Variants in LMX1A observed in about 807,000 individuals in gnomAD.
LMX1A encodes LIM homeobox transcription factor 1 alpha.
LMX1A carries 15 observed loss-of-function variants against 49.1 expected under a neutral mutation model. The observed-to-expected ratio is 0.31, with a 90% CI of 0.20 to 0.47. LMX1A has a LOEUF of 0.47. LMX1A is among the 20% of genes least tolerant of loss of function. The pLI, the probability that LMX1A is intolerant of heterozygous loss-of-function variation, is 1.00. For synonymous variants in LMX1A, 167 were observed against 185.7 expected (o/e 0.90, Z 0.82); for missense variants, 372 against 475.8 (o/e 0.78, Z 2.03).
chr1:165,285,896 T>C (rs1434880382), intron 3 of LMX1A, among the ~76,000 whole-genome samples: 1 of 152,202 alleles, frequency 6.6e-6, no homozygotes, highest in Non-Finnish European at 1.5e-5. Flanking sequence ...GTGACACTGC[T>C]CCCTGGTGTT....
intron 4 of LMX1A, among the ~76,000 whole-genome samples, chr1:165,236,930 ATT>A (rs1249472460): frequency 1.3e-5 from 2 of 151,264 alleles, no homozygotes; most frequent in African/African-American, 4.9e-5. Flanking sequence ...AGAATATAAT[ATT>A]GTTTATCCAT....
intron 3 of LMX1A, among the ~76,000 whole-genome samples, chr1:165,283,582 C>T (rs751630271): frequency 6.6e-6 from 1 of 152,156 alleles, no homozygotes; most frequent in Admixed American, 6.5e-5. Context: ...AAGGGTCTTC[C>T]TTGACCACAC....
At chr1:165,298,132 G>A (rs1348467817) in intron 3 of LMX1A, among the ~76,000 whole-genome samples, 1 of 152,218 alleles carries the variant, frequency 6.6e-6, no homozygotes, top group Non-Finnish European at 1.5e-5. Flanking sequence ...CTCCTTGGGT[G>A]CAAGTACCCA....
chr1:165,247,337 G>A (rs781390765), intron 4 of LMX1A, among the ~76,000 whole-genome samples: 5 of 151,960 alleles, frequency 3.3e-5, no homozygotes, highest in Non-Finnish European at 7.4e-5. Context: ...TGGGAAATTC[G>A]AAATTCTACA....
At chr1:165,253,723 T>C (rs771225863) in intron 3 of LMX1A, among the ~76,000 whole-genome samples, 21 of 152,238 alleles carry the variant, frequency 1.4e-4, no homozygotes, top group Admixed American at 6.5e-4. Context: ...CTCCTCTGCC[T>C]CTCAGCTTCA....
At chr1:165,351,013 G>A (rs1013445040) in intron 3 of LMX1A, among the ~76,000 whole-genome samples, 1 of 152,148 alleles carries the variant, frequency 6.6e-6, no homozygotes, top group East Asian at 1.9e-4. Context: ...AGCCCAAACC[G>A]CGCCAAACCT....
chr1:165,259,776 G>C (rs969052161), intron 3 of LMX1A, among the ~76,000 whole-genome samples: 2 of 152,194 alleles, frequency 1.3e-5, no homozygotes, highest in Admixed American at 6.5e-5. Context: ...GGCCCAATGA[G>C]AGATGAAAAG....
chr1:165,214,817 A>C (rs1055618025), intron 4 of LMX1A, among the ~76,000 whole-genome samples: 6 of 152,244 alleles, frequency 3.9e-5, no homozygotes, highest in Non-Finnish European at 8.8e-5. Flanking sequence ...CTGTTAAAGT[A>C]ATTGTCTAAC....
intron 3 of LMX1A, among the ~76,000 whole-genome samples, chr1:165,307,552 A>G (rs1654954526): frequency 6.6e-6 from 1 of 152,218 alleles, no homozygotes; most frequent in African/African-American, 2.4e-5. Context: ...AGATTATGCT[A>G]TGCCTAGAAG....
intron 3 of LMX1A, among the ~76,000 whole-genome samples, chr1:165,267,131 C>T (rs1653651921): frequency 6.6e-6 from 1 of 152,090 alleles, no homozygotes; most frequent in Admixed American, 6.6e-5. Flanking sequence ...AAATAAAACC[C>T]TTTTCCCATT....
intron 4 of LMX1A, among the ~76,000 whole-genome samples, chr1:165,221,733 C>T (rs1266198424): frequency 1.3e-5 from 2 of 152,200 alleles, no homozygotes; most frequent in South Asian, 4.1e-4. Flanking sequence ...TCTCCCTTTG[C>T]TTTCCTCAGC....
In LMX1A at chr1:165,242,942, A is replaced by C. The variant is rs1028775903; in HGVS notation, c.496+6466T>G. On this transcript the variant is annotated intron_variant, in intron 4 of 8. Coordinates refer to ENST00000342310, the MANE Select transcript of LMX1A (RefSeq NM_177398.4). The stretch of plus-strand genomic sequence containing the variant: ...GAAACTCCACCTCAAAAAAAAAAAA[A>C]AAAAACAAAACAAAAACATAAAACA... Among the ~76,000 whole-genome samples the C allele has an allele frequency of 4.0e-5, 6 of 151,482 alleles. No individual in the cohort carries two copies. In the East Asian group the frequency reaches 5.8e-4, roughly 15 times the overall value.
At position 165,329,657 on chromosome 1, in the gene LMX1A, T is replaced by C. The variant is rs539177269; in HGVS notation, c.263+23419A>G. ...CAAAAAAAAAAACCTTACAGTGATA[T>C]GGGTGAATAAGAGGTTAAAAAAATC... On this transcript the variant is annotated intron_variant, in intron 3 of 8. Coordinates refer to ENST00000342310, the MANE Select transcript of LMX1A (RefSeq NM_177398.4). 2.6e-5 allele frequency among the ~76,000 whole-genome samples: 3 copies of C among 117,270 alleles called. No homozygotes were observed. The East Asian group carries it at 7.6e-4, about 30-fold the overall frequency. 76.9% of individuals were successfully genotyped at this position (117,270 alleles called of 152,430 possible).
intron 4 of LMX1A, among the ~76,000 whole-genome samples, chr1:165,247,038 A>C (rs550202124): frequency 1.7e-5 from 1 of 58,100 alleles, no homozygotes; most frequent in African/African-American, 6.4e-5. Flanking sequence ...TGTTACTTAG[A>C]TCAGATCAGC....
chr1:165,211,255 G>A (rs1456871723), intron 5 of LMX1A: 2 of 152,292 alleles, frequency 1.3e-5, no homozygotes, highest in African/African-American at 4.8e-5. Context: ...GGTGTTTCAT[G>A]AATATCCATA....
intron 4 of LMX1A, among the ~76,000 whole-genome samples, chr1:165,235,621 C>CGGCGGCGCGG (rs922103664): frequency 2.0e-5 from 3 of 152,054 alleles, no homozygotes; most frequent in African/African-American, 4.8e-5. Flanking sequence ...TGGGAACGCG[C>CGGCGGCGCGG]GGCGGCGCGG....
At chr1:165,294,649 C>G (rs1269793687) in intron 3 of LMX1A, among the ~76,000 whole-genome samples, 2 of 152,232 alleles carry the variant, frequency 1.3e-5, no homozygotes, top group Non-Finnish European at 2.9e-5. Flanking sequence ...CTGATAAAAG[C>G]TATGGTCCTT....
rs959092197 is a variant in LMX1A, at chr1:165,208,074, C to T, written c.806G>A (p.Arg269Lys). The change falls in exon 7 of 9, where the codon AGG becomes AAG. Residue 269 changes from arginine to lysine, a missense_variant. Arg to Lys is a conservative substitution (Grantham distance 26). Transcript: ENST00000342310. ...QQQQDQQNTQ[R>K]LSSAQTNGGG... ...AGGCACCAGCTTACCAGAGCTCAGC[C>T]TCTGGGTGTTCTGCTGATCTTGCTG... 6.2e-7 allele frequency: 1 copy of T among 1,613,888 alleles called. No homozygotes were observed. Among genetic ancestry groups the T allele is most frequent in the African/African-American group, 1.3e-5 (1 of 74,950 alleles).
chr1:165,221,908 T>TACACACAC (rs3038076), intron 4 of LMX1A, among the ~76,000 whole-genome samples: 4 of 126,898 alleles, frequency 3.2e-5, no homozygotes, highest in African/African-American at 1.1e-4. Flanking sequence ...GTCTCCACTC[T>TACACACAC]ACACACACAC....
Sources: gnomAD v4.1 joint callset for allele counts (sites outside exome capture counted in the v4.1 genomes callset) on GRCh38, gnomAD v4.1.1 for gene constraint, MANE v1.5 for transcripts, NCBI Gene and HGNC (gene_info 2026-07-23, HGNC 2026-07-21) for gene names.